Variants in RARRES1 observed in about 807,000 individuals in gnomAD.
RARRES1 encodes retinoic acid receptor responder protein 1.
A neutral mutation model predicts 30.6 loss-of-function variants in RARRES1; 34 were observed. The observed-to-expected ratio is 1.11, with a 90% CI of 0.84 to 1.48. The LOEUF is 1.48. Among genes scored for constraint, RARRES1 ranks in the 40% most tolerant of loss-of-function variants. The pLI is 0.00. For synonymous variants in RARRES1, 153 were observed against 155.5 expected (o/e 0.98, Z 0.12); for missense variants, 373 against 386.5 (o/e 0.97, Z 0.29).
intron 1 of RARRES1, among the ~76,000 whole-genome samples, chr3:158,720,575 T>C (rs1038329652): frequency 1.3e-5 from 2 of 152,194 alleles, no homozygotes; most frequent in Non-Finnish European, 2.9e-5. Context: ...TTTTAGGTGG[T>C]GGCTGTCGAT....
In RARRES1 at chr3:158,719,433, G is replaced by A. The variant is rs149835943; in HGVS notation, c.277-5574C>T. Reference sequence around the variant, plus strand: ...ATTACAGGCTTTTGCCACCACACCCGGCTAATTTTTGTATTTTTATCAGAG... The same window carrying A: ...ATTACAGGCTTTTGCCACCACACCCAGCTAATTTTTGTATTTTTATCAGAG... On this transcript the variant is annotated intron_variant, in intron 1 of 5. Transcript: ENST00000237696. Among the ~76,000 whole-genome samples the A allele has an allele frequency of 8.1e-3, 1,231 of 151,944 alleles. 7 individuals carry two copies. The highest frequency in any genetic ancestry group is 0.028 in the African/African-American group (1,159 of 41,454).
Position 158,728,517 on chromosome 3 carries a change from T to TTTC in RARRES1, c.276+3622_276+3623insGAA, listed in dbSNP as rs1491484728. Among the ~76,000 whole-genome samples, 37 of 69,942 alleles carry TTTC rather than the reference T, an allele frequency of 5.3e-4. 1 individual carries two copies. Among genetic ancestry groups the TTTC allele is most frequent in the African/African-American group, 2.7e-3 (36 of 13,112 alleles). The allele number at this position is 69,942 out of a possible 152,430, so 45.9% of individuals were successfully genotyped here. A position where few individuals can be genotyped will look rare whatever the true frequency, so the allele number is the denominator to read the frequency against. The stretch of plus-strand genomic sequence containing the variant: ...ATCAATCGTGGTTTCTTTTTCTTTC[T>TTTC]TTTTTTTTTTTTTTTTTGGTTTTTG... On this transcript the variant is annotated intron_variant, in intron 1 of 5. Coordinates refer to ENST00000237696, the MANE Select transcript of RARRES1 (RefSeq NM_206963.2).
intron 1 of RARRES1, among the ~76,000 whole-genome samples, chr3:158,724,425 C>T (rs1727612269): frequency 6.6e-6 from 1 of 152,126 alleles, no homozygotes; most frequent in South Asian, 2.1e-4. Context: ...ACAATGTAAT[C>T]ACAAGGGTCC....
intron 1 of RARRES1, among the ~76,000 whole-genome samples, chr3:158,731,862 A>G (rs1407048199): frequency 1.3e-5 from 2 of 152,232 alleles, no homozygotes; most frequent in Non-Finnish European, 2.9e-5. Flanking sequence ...GTGTGGGAGC[A>G]GTCAAGAGCG....
At chr3:158,707,461 A>C (rs1726963529) in intron 3 of RARRES1, among the ~76,000 whole-genome samples, 1 of 152,184 alleles carries the variant, frequency 6.6e-6, no homozygotes, top group African/African-American at 2.4e-5. Context: ...TGGGAAGGAT[A>C]CTGATGGGGC....
intron 4 of RARRES1, among the ~76,000 whole-genome samples, chr3:158,701,683 G>A (rs1398140366): frequency 6.6e-6 from 1 of 152,056 alleles, no homozygotes; most frequent in African/African-American, 2.4e-5. Flanking sequence ...TGCTTGTGTT[G>A]CTTCTTTTGA....
intron 4 of RARRES1, among the ~76,000 whole-genome samples, chr3:158,704,440 C>G (rs757301169): frequency 6.6e-5 from 10 of 152,018 alleles, no homozygotes; most frequent in African/African-American, 2.4e-4. Flanking sequence ...CTATGCTACC[C>G]AGGCTGGTCT....
In RARRES1 at chr3:158,710,649, T is replaced by C. The variant is rs115558445; in HGVS notation, c.535+89A>G. The C allele has an allele frequency of 2.1e-3, 2,632 of 1,281,462 alleles. 6 individuals are homozygous for C. Among genetic ancestry groups the C allele is most frequent in the Non-Finnish European group, 2.7e-3 (2,500 of 930,012 alleles). The allele number at this position is 1,281,462 out of a possible 1,614,324, so 79.4% of individuals were successfully genotyped here. The stretch of plus-strand genomic sequence containing the variant: ...ATTTAGTTGAATGAAAGTGCCACTT[T>C]AGGGATAAAAACTTAAATGATCTTT... On this transcript the variant is annotated intron_variant, in intron 3 of 5. Transcript: ENST00000237696.
At chr3:158,713,438 C>A (rs1334236091) in intron 2 of RARRES1, among the ~76,000 whole-genome samples, 2 of 152,104 alleles carry the variant, frequency 1.3e-5, no homozygotes, top group African/African-American at 4.8e-5. Flanking sequence ...ATGTCACCCT[C>A]TGACAGGAAG....
At position 158,702,076 on chromosome 3, in the gene RARRES1, C is replaced by T. The variant is rs571222900; in HGVS notation, c.672+2715G>A. ...TTTTTGAGACAGAGTCTTGCTCTGT[C>T]GCCCAGGCTGGAGTGCACTAGCACG... On this transcript the variant is annotated intron_variant, in intron 4 of 5. Transcript: ENST00000237696. Among the ~76,000 whole-genome samples the T allele has an allele frequency of 4.6e-5, 7 of 152,218 alleles. No homozygotes were observed. The East Asian group carries it at 1.2e-3, about 25-fold the overall frequency.
At chr3:158,729,112 C>T (rs1727788233) in intron 1 of RARRES1, among the ~76,000 whole-genome samples, 1 of 152,098 alleles carries the variant, frequency 6.6e-6, no homozygotes, top group Non-Finnish European at 1.5e-5. Context: ...AATTGGCACT[C>T]ATATCTTATA....
At chr3:158,730,338 A>G (rs990424903) in intron 1 of RARRES1, among the ~76,000 whole-genome samples, 1 of 143,266 alleles carries the variant, frequency 7.0e-6, no homozygotes. Context: ...AAAAAAAAAA[A>G]CAAAGACAGG....
chr3:158,718,905 A>G (rs1378600000), intron 1 of RARRES1, among the ~76,000 whole-genome samples: 1 of 152,212 alleles, frequency 6.6e-6, no homozygotes, highest in Non-Finnish European at 1.5e-5. Context: ...ACACGAGGAA[A>G]GGTGACCAAC....
chr3:158,697,550 G>A lies in RARRES1; in HGVS notation c.*128C>T. The A allele has an allele frequency of 1.9e-6, 2 of 1,053,196 alleles. No individual in the cohort carries two copies. The highest frequency in any genetic ancestry group is 2.7e-6 in the Non-Finnish European group (2 of 737,484). 65.2% of individuals were successfully genotyped at this position (1,053,196 alleles called of 1,614,324 possible). ...AAAACCAACATCTTTGCATTTCTGA[G>A]TTTTTACTTGTAATCATAGGTTTTC... On this transcript the variant is annotated 3_prime_UTR_variant, in exon 6 of 6. Coordinates refer to ENST00000237696, the MANE Select transcript of RARRES1 (RefSeq NM_206963.2).
chr3:158,703,677 T>C (rs1726811130), intron 4 of RARRES1, among the ~76,000 whole-genome samples: 1 of 152,192 alleles, frequency 6.6e-6, no homozygotes, highest in Non-Finnish European at 1.5e-5. Context: ...AGTCCTCATC[T>C]TACTTGACTT....
intron 1 of RARRES1, among the ~76,000 whole-genome samples, chr3:158,717,340 T>C (rs1395631969): frequency 6.6e-6 from 1 of 152,096 alleles, no homozygotes; most frequent in East Asian, 1.9e-4. Flanking sequence ...AAATAGAGCA[T>C]TGTAGGATTG....
intron 1 of RARRES1, among the ~76,000 whole-genome samples, chr3:158,731,889 C>T (rs1727899584): frequency 1.3e-5 from 2 of 152,230 alleles, no homozygotes; most frequent in Admixed American, 6.5e-5. Context: ...TGTGAAAAAC[C>T]TATGACCTCA....
At chr3:158,704,359 G>A (rs1559868523) in intron 4 of RARRES1, among the ~76,000 whole-genome samples, 1 of 151,454 alleles carries the variant, frequency 6.6e-6, no homozygotes, top group East Asian at 2.0e-4. Context: ...TGCGTCCCGA[G>A]TACCTGGGAC....
Position 158,713,945 on chromosome 3 carries a change from G to A in RARRES1, c.277-86C>T, listed in dbSNP as rs994144669. Reference sequence around the variant, plus strand: ...GGAATCACACTCTTAGGATAACATGGCATGCAAATGGTGGCTGTAGCATTT... The same window carrying A: ...GGAATCACACTCTTAGGATAACATGACATGCAAATGGTGGCTGTAGCATTT... On this transcript the variant is annotated intron_variant, in intron 1 of 5. Coordinates refer to ENST00000237696, the MANE Select transcript of RARRES1 (RefSeq NM_206963.2). The A allele has an allele frequency of 5.0e-6, 6 of 1,197,520 alleles. No individual in the cohort carries two copies. The South Asian group carries it at 7.7e-5, about 15-fold the overall frequency. 74.2% of individuals were successfully genotyped at this position (1,197,520 alleles called of 1,614,324 possible). A position where few individuals can be genotyped will look rare whatever the true frequency, so the allele number is the denominator to read the frequency against.
Sources: gnomAD v4.1 joint callset for allele counts (sites outside exome capture counted in the v4.1 genomes callset) on GRCh38, gnomAD v4.1.1 for gene constraint, MANE v1.5 for transcripts, NCBI Gene and HGNC (gene_info 2026-07-23, HGNC 2026-07-21) for gene names.